YLPM1: variants seen among roughly 807,000 people sequenced by gnomAD.
The protein encoded by YLPM1 is YLP motif-containing protein 1.
YLPM1 carries 99 observed loss-of-function variants against 230.0 expected under a neutral mutation model. That is an observed-to-expected ratio of 0.43 (90% CI 0.37 to 0.51). YLPM1 has a LOEUF of 0.51. Among genes scored for constraint, YLPM1 ranks in the 20% least tolerant of loss-of-function variants. The pLI, the probability that YLPM1 is intolerant of heterozygous loss-of-function variation, is 0.00. For missense variants in YLPM1, 2,592 were observed against 2,707.7 expected (o/e 0.96, Z 0.95); for synonymous variants, 984 against 942.5 (o/e 1.04, Z -0.81).
intron 6 of YLPM1, among the ~76,000 whole-genome samples, chr14:74,807,166 G>T (rs1306351786): frequency 1.3e-5 from 2 of 151,978 alleles, no homozygotes; most frequent in African/African-American, 4.8e-5. Context: ...TTATTATTCA[G>T]AAAGTTTATT....
intron 9 of YLPM1, 50 bp downstream of exon 9, chr14:74,810,470 A>T (rs760390111): frequency 6.5e-7 from 1 of 1,548,530 alleles, no homozygotes; most frequent in South Asian, 1.2e-5. Flanking sequence ...TGTATACTTA[A>T]CAGTAAAAGT....
intron 4 of YLPM1, among the ~76,000 whole-genome samples, chr14:74,796,841 T>C (rs1408434815): frequency 6.6e-6 from 1 of 151,876 alleles, no homozygotes; most frequent in Non-Finnish European, 1.5e-5. Flanking sequence ...TGTTAGTCTT[T>C]TCATATTTAG....
At chr14:74,807,687 T>TA (rs375117651) in intron 6 of YLPM1, among the ~76,000 whole-genome samples, 42 of 152,314 alleles carry the variant, frequency 2.8e-4, no homozygotes, top group African/African-American at 9.4e-4. Flanking sequence ...TGGCACTCCT[T>TA]AGATTACTAG....
chr14:74,813,303 T>C (rs1398817239), intron 11 of YLPM1, among the ~76,000 whole-genome samples: 1 of 152,256 alleles, frequency 6.6e-6, no homozygotes, highest in African/African-American at 2.4e-5. Context: ...ATATAGCTAC[T>C]TGACCTTTCC....
intron 19 of YLPM1, among the ~76,000 whole-genome samples, chr14:74,832,526 C>A (rs2091614976): frequency 6.6e-6 from 1 of 152,114 alleles, no homozygotes; most frequent in Admixed American, 6.5e-5. Context: ...GCCTGGAGTG[C>A]AGTGGTGATT....
intron 1 of YLPM1, among the ~76,000 whole-genome samples, chr14:74,770,697 A>G (rs1202136920): frequency 6.6e-6 from 1 of 152,170 alleles, no homozygotes; most frequent in Non-Finnish European, 1.5e-5. Context: ...AATAAGGCTC[A>G]CTGAAAGCTC....
At chr14:74,786,235 G>A (rs1255082605) in intron 4 of YLPM1, among the ~76,000 whole-genome samples, 7 of 151,616 alleles carry the variant, frequency 4.6e-5, no homozygotes, top group African/African-American at 9.7e-5. Flanking sequence ...GGTAACATGC[G>A]CCTGTAGTCC....
intron 18 of YLPM1, chr14:74,827,463 A>G: frequency 1.0e-6 from 1 of 985,436 alleles, no homozygotes; most frequent in Non-Finnish European, 1.2e-6. Flanking sequence ...TAAACATTTC[A>G]AAAAGGGTGC....
chr14:74,812,760 G>T lies in YLPM1; in HGVS notation c.5480G>T (p.Gly1827Val). The change falls in exon 11 of 21, where the codon GGC (glycine) becomes GTC (valine). Residue 1827 changes from glycine to valine, a missense_variant. Physicochemically the swap from Gly to Val is moderately radical, Grantham distance 109. Around this residue, in one of 4 missense-constraint regions of YLPM1, gnomAD observed 315 missense variants for 429.3 expected, o/e 0.73. Transcript: ENST00000325680. ...GTGGACGATATTTTGAAACCACCGGGCCGGGAGAGCAGACCTGAGAGAGTG... is the reference window on the plus strand; with the variant it reads ...GTGGACGATATTTTGAAACCACCGGTCCGGGAGAGCAGACCTGAGAGAGTG... Reference protein sequence around the residue: ...KNVDDILKPPGRESRPERIVV... With the variant: ...KNVDDILKPPVRESRPERIVV... 1 of 1,613,514 alleles carries T rather than the reference G, an allele frequency of 6.2e-7. No individual in the cohort carries two copies. The highest frequency in any genetic ancestry group is 8.5e-7 in the Non-Finnish European group (1 of 1,179,702).
chr14:74,788,340 T>C (rs2091169693), intron 4 of YLPM1, among the ~76,000 whole-genome samples: 1 of 152,148 alleles, frequency 6.6e-6, no homozygotes, highest in African/African-American at 2.4e-5. Flanking sequence ...CAGGATGGTC[T>C]CGATCTCCTG....
intron 17 of YLPM1, among the ~76,000 whole-genome samples, chr14:74,822,686 C>T (rs1281409530): frequency 6.6e-6 from 1 of 152,016 alleles, no homozygotes; most frequent in East Asian, 1.9e-4. Context: ...GAGTCCATTC[C>T]AAGAGTAAAA....
At chr14:74,822,673 T>C (rs1305789732) in intron 17 of YLPM1, among the ~76,000 whole-genome samples, 3 of 152,122 alleles carry the variant, frequency 2.0e-5, no homozygotes, top group Admixed American at 6.5e-5. Flanking sequence ...TCTTTTACTA[T>C]TGGAGTCCAT....
At chr14:74,823,288 G>A (rs954217424) in intron 17 of YLPM1, among the ~76,000 whole-genome samples, 6 of 152,044 alleles carry the variant, frequency 3.9e-5, no homozygotes, top group African/African-American at 1.4e-4. Flanking sequence ...CATAAAAGAG[G>A]ATACTGACAC....
intron 4 of YLPM1, among the ~76,000 whole-genome samples, chr14:74,786,136 A>AG (rs2091147432): frequency 6.6e-6 from 1 of 151,764 alleles, no homozygotes; most frequent in Non-Finnish European, 1.5e-5. Context: ...CTGAGGGGGG[A>AG]GCGGATCATG....
At position 74,809,597 on chromosome 14, in the gene YLPM1, A is replaced by G. The variant is rs779024744; in HGVS notation, c.4739A>G (p.Tyr1580Cys). ...EQERWDEDSF[Y>C]GLWDTNDEQG... ...GAACGATGGGATGAAGATTCTTTCT[A>G]TGGGCTCTGGGATACAAATGATGAA... Residue 1580 changes from tyrosine (Y) to cysteine (C), a missense_variant, in exon 7 of 21, where the codon TAT (tyrosine) becomes TGT (cysteine). Transcript: ENST00000325680. The G allele has an allele frequency of 6.8e-6, 11 of 1,613,632 alleles. No homozygotes were observed. Among genetic ancestry groups the G allele is most frequent in the East Asian group, 4.5e-5 (2 of 44,880 alleles).
intron 6 of YLPM1, among the ~76,000 whole-genome samples, chr14:74,803,332 C>G (rs900666432): frequency 6.6e-6 from 1 of 152,046 alleles, no homozygotes; most frequent in African/African-American, 2.4e-5. Flanking sequence ...TGTTATTTTA[C>G]CTTTAAGCCA....
intron 4 of YLPM1, among the ~76,000 whole-genome samples, chr14:74,796,995 G>A (rs555428385): frequency 4.3e-5 from 5 of 116,990 alleles, no homozygotes; most frequent in Non-Finnish European, 5.3e-5. Flanking sequence ...TTTTGAGACG[G>A]AGTCTCACTC....
intron 19 of YLPM1, among the ~76,000 whole-genome samples, chr14:74,830,997 T>C (rs2091605176): frequency 6.6e-6 from 1 of 152,182 alleles, no homozygotes; most frequent in Non-Finnish European, 1.5e-5. Context: ...AGTACAGATG[T>C]GAAGGTTGTG....
Position 74,781,754 on chromosome 14 carries a change from A to G in YLPM1, c.1711A>G (p.Thr571Ala). The change falls in exon 4 of 21, where the codon ACC becomes GCC. Residue 571 changes from threonine (T) to alanine (A), a missense_variant. By Grantham distance (58) the Thr-to-Ala change is moderately conservative. Transcript: ENST00000325680. ...ACCTGTTATGCCACCTTCTCTACCA[A>G]CCTCTGTTCCCCCACCAGGGATGCC... ...PPPVMPPSLP[T>A]SVPPPGMPPS... 1 of 1,594,870 alleles carries G rather than the reference A, an allele frequency of 6.3e-7. No individual in the cohort carries two copies. Among genetic ancestry groups the G allele is most frequent in the Non-Finnish European group, 8.5e-7 (1 of 1,174,694 alleles).
Sources: gnomAD v4.1 joint callset for allele counts (sites outside exome capture counted in the v4.1 genomes callset) on GRCh38, gnomAD v4.1.1 for gene constraint, gnomAD v4.1.1 regional missense constraint, MANE v1.5 for transcripts, NCBI Gene and HGNC (gene_info 2026-07-23, HGNC 2026-07-21) for gene names.